RALGPS1: variants seen among roughly 807,000 people sequenced by gnomAD.
The protein encoded by RALGPS1 is ras-specific guanine nucleotide-releasing factor RalGPS1.
In RALGPS1, 19 loss-of-function variants were observed where a neutral mutation model predicts 78.8. The ratio of observed to expected loss-of-function variants is 0.24; its 90% CI spans 0.17 to 0.35. RALGPS1 has a LOEUF of 0.35. RALGPS1 is among the 10% of genes least tolerant of loss of function. The pLI is 1.00. For synonymous variants in RALGPS1, 228 were observed against 256.3 expected (o/e 0.89, Z 1.06); for missense variants, 454 against 688.3 (o/e 0.66, Z 3.81).
At chr9:127,185,212 T>C (rs1013508753) in intron 11 of RALGPS1, among the ~76,000 whole-genome samples, 1 of 152,194 alleles carries the variant, frequency 6.6e-6, no homozygotes, top group Admixed American at 6.5e-5. Context: ...AAGCAAACTT[T>C]CTAGGGTACA....
chr9:126,989,106 C>T (rs1268497773), intron 4 of RALGPS1, among the ~76,000 whole-genome samples: 1 of 152,110 alleles, frequency 6.6e-6, no homozygotes, highest in East Asian at 1.9e-4. Context: ...TCATCATCAT[C>T]ATCGCTGAAG....
chr9:127,132,337 A>T (rs2057062772), intron 8 of RALGPS1, among the ~76,000 whole-genome samples: 1 of 152,186 alleles, frequency 6.6e-6, no homozygotes, highest in East Asian at 1.9e-4. Context: ...AGGGTACGTT[A>T]AAAAAAGGTT....
chr9:127,108,871 C>A, intron 8 of RALGPS1: 1 of 930,628 alleles, frequency 1.1e-6, no homozygotes, highest in Non-Finnish European at 1.6e-6. Flanking sequence ...GCCAGGCAGG[C>A]AGAGCTTTCC....
intron 8 of RALGPS1, among the ~76,000 whole-genome samples, chr9:127,102,284 A>G (rs1469964892): frequency 6.7e-6 from 1 of 148,580 alleles, no homozygotes; most frequent in East Asian, 2.1e-4. Flanking sequence ...TGAGAAGTCC[A>G]GGAGCATGGT....
chr9:127,078,280 T>C (rs544258839), intron 8 of RALGPS1, among the ~76,000 whole-genome samples: 118 of 152,358 alleles, frequency 7.7e-4, no homozygotes, highest in African/African-American at 2.7e-3. Context: ...CCTTTACTTT[T>C]GCAATCTCCG....
chr9:127,048,967 C>T (rs1384131589), intron 5 of RALGPS1, among the ~76,000 whole-genome samples: 1 of 152,170 alleles, frequency 6.6e-6, no homozygotes, highest in Non-Finnish European at 1.5e-5. Flanking sequence ...TCTTTCTTTG[C>T]TTTCTATTTG....
At chr9:126,954,017 C>T (rs758694859) in intron 1 of RALGPS1, among the ~76,000 whole-genome samples, 6 of 152,142 alleles carry the variant, frequency 3.9e-5, no homozygotes, top group African/African-American at 4.8e-5. Context: ...ACATGCCCAG[C>T]GCCCTCCACA....
At chr9:127,041,031 T>G (rs1017573152) in intron 5 of RALGPS1, among the ~76,000 whole-genome samples, 3 of 135,718 alleles carry the variant, frequency 2.2e-5, no homozygotes, top group Non-Finnish European at 4.7e-5. Context: ...CTACAAACAT[T>G]TGTGTGTGTG....
chr9:127,217,131 G>A, intron 18 of RALGPS1: 2 of 1,325,720 alleles, frequency 1.5e-6, no homozygotes, highest in Non-Finnish European at 1.9e-6. Context: ...TGGGCAGGCT[G>A]ATCCAGCAGA....
intron 7 of RALGPS1, among the ~76,000 whole-genome samples, chr9:127,058,978 G>A (rs935950569): frequency 1.1e-4 from 17 of 152,166 alleles, no homozygotes; most frequent in African/African-American, 4.1e-4. Flanking sequence ...TCTGGAGGGT[G>A]GTGACCTGGG....
intron 4 of RALGPS1, among the ~76,000 whole-genome samples, chr9:127,002,764 A>G (rs1338924538): frequency 6.6e-6 from 1 of 151,944 alleles, no homozygotes; most frequent in African/African-American, 2.4e-5. Context: ...TGTCCTTACA[A>G]AGGACATGAA....
At chr9:127,090,323 G>A (rs1377799877) in intron 8 of RALGPS1, among the ~76,000 whole-genome samples, 1 of 152,234 alleles carries the variant, frequency 6.6e-6, no homozygotes, top group Non-Finnish European at 1.5e-5. Context: ...GGCTGTAGCA[G>A]CCCCTGTGTC....
chr9:126,994,719 A>T (rs937651797), intron 4 of RALGPS1, among the ~76,000 whole-genome samples: 1 of 152,110 alleles, frequency 6.6e-6, no homozygotes, highest in Non-Finnish European at 1.5e-5. Flanking sequence ...ACTCCAAGAC[A>T]CATAATTGTC....
intron 8 of RALGPS1, among the ~76,000 whole-genome samples, chr9:127,110,922 C>A (rs1019717761): frequency 3.9e-5 from 6 of 152,138 alleles, no homozygotes; most frequent in African/African-American, 1.4e-4. Flanking sequence ...GCCCATCCTA[C>A]CTTCTGTCCT....
chr9:127,088,908 T>C, intron 8 of RALGPS1: 1 of 1,613,886 alleles, frequency 6.2e-7, no homozygotes, highest in Non-Finnish European at 8.5e-7. Flanking sequence ...CTCCTGGCAA[T>C]GGCCACGAGA....
At chr9:127,031,347 C>T (rs2046416918) in intron 4 of RALGPS1, among the ~76,000 whole-genome samples, 3 of 152,248 alleles carry the variant, frequency 2.0e-5, no homozygotes, top group Admixed American at 2.0e-4. Context: ...AGAGGAACTG[C>T]GCCAAAGCGG....
chr9:127,175,622 C>G (rs1289705159), intron 11 of RALGPS1, among the ~76,000 whole-genome samples: 1 of 151,550 alleles, frequency 6.6e-6, no homozygotes, highest in Non-Finnish European at 1.5e-5. Context: ...GTCATACCAC[C>G]CTGGGTTCTA....
At chr9:126,983,197 A>G (rs1647941886) in intron 4 of RALGPS1, among the ~76,000 whole-genome samples, 1 of 151,978 alleles carries the variant, frequency 6.6e-6, no homozygotes, top group Admixed American at 6.6e-5. Flanking sequence ...TCGGCCTCCC[A>G]AAGTGCTGGG....
At position 127,183,774 on chromosome 9, in the gene RALGPS1, G is replaced by A; in HGVS notation, c.910+8992G>A. On this transcript the variant is annotated intron_variant, in intron 11 of 18. Coordinates refer to ENST00000259351, the MANE Select transcript of RALGPS1 (RefSeq NM_014636.3). The surrounding 1 kb of genome is among the most constrained non-coding windows in gnomAD (Gnocchi z 4.0). ...TCTGCCCGTTTATATTTTCGGAATG[G>A]ATGGGTGGGAGGGGCCCTCCATGAG... 1.8e-6 allele frequency: 2 copies of A among 1,102,006 alleles called. No individual in the cohort carries two copies. The highest frequency in any genetic ancestry group is 2.6e-6 in the Non-Finnish European group (2 of 781,904). 68.3% of individuals were successfully genotyped at this position (1,102,006 alleles called of 1,614,324 possible). A position where few individuals can be genotyped will look rare whatever the true frequency, so the allele number is the denominator to read the frequency against.
Sources: gnomAD v4.1 joint callset for allele counts (sites outside exome capture counted in the v4.1 genomes callset) on GRCh38, gnomAD v4.1.1 for gene constraint, Gnocchi (gnomAD v3.1) non-coding constraint, MANE v1.5 for transcripts, NCBI Gene and HGNC (gene_info 2026-07-23, HGNC 2026-07-21) for gene names.